CDH18: variants seen among roughly 807,000 people sequenced by gnomAD.
CDH18 encodes cadherin 18.
Under a neutral mutation model 67.9 loss-of-function variants are expected in CDH18, and 31 were observed. The observed-to-expected ratio is 0.46, with a 90% confidence interval of 0.34 to 0.62. The LOEUF (loss-of-function observed/expected upper bound fraction) is 0.62. CDH18 is among the 20% of genes least tolerant of loss of function. The pLI, the probability that CDH18 is intolerant of heterozygous loss-of-function variation, is 0.01. For missense variants in CDH18, 890 were observed against 975.5 expected (o/e 0.91, Z 1.17); for synonymous variants, 362 against 347.2 (o/e 1.04, Z -0.48).
At chr5:20,142,655 T>C (rs1351653218) in intron 2 of CDH18, among the ~76,000 whole-genome samples, 1 of 151,584 alleles carries the variant, frequency 6.6e-6, no homozygotes, top group Non-Finnish European at 1.5e-5. Flanking sequence ...TAATCTAATA[T>C]CATTAGTGTC....
chr5:19,643,694 T>C (rs1454308622), intron 5 of CDH18, among the ~76,000 whole-genome samples: 1 of 152,036 alleles, frequency 6.6e-6, no homozygotes, highest in Admixed American at 6.6e-5. Flanking sequence ...GGGAGTGATA[T>C]GGGAAGATGT....
In CDH18 at chr5:19,712,724, A is replaced by T. The variant is rs1045186984; in HGVS notation, c.643+8623T>A. ...TATATGTATATATAATAGGAAAATT[A>T]TATATGTGTATTTTCTATATATATG... On this transcript the variant is annotated intron_variant, in intron 5 of 12. Transcript: ENST00000382275. 3.3e-5 allele frequency among the ~76,000 whole-genome samples: 5 copies of T among 150,646 alleles called. No homozygotes were observed. In the East Asian group the frequency reaches 9.7e-4, roughly 29 times the overall value.
intron 1 of CDH18, among the ~76,000 whole-genome samples, chr5:20,566,503 G>A (rs1758516700): frequency 6.8e-6 from 1 of 147,324 alleles, no homozygotes; most frequent in South Asian, 2.1e-4. Context: ...GGGAATACAG[G>A]TTCGCGCCAC....
At chr5:20,055,205 A>AC (rs1433086046) in intron 2 of CDH18, among the ~76,000 whole-genome samples, 1 of 152,280 alleles carries the variant, frequency 6.6e-6, no homozygotes, top group African/African-American at 2.4e-5. Context: ...TCTATTTCTG[A>AC]CCTATTATCA....
chr5:19,571,876 CATATT>C lies in CDH18; in HGVS notation c.1000-49_1000-45del, dbSNP rs756527204. The stretch of plus-strand genomic sequence containing the variant: ...AGATTATGACTTTTATAAAAAAAGT[CATATT>C]ATGACTTTCATTACTTTTCAAATAT... On this transcript the variant is annotated intron_variant, in intron 7 of 12. Coordinates refer to ENST00000382275, the MANE Select transcript of CDH18 (RefSeq NM_004934.5). 1.7e-4 allele frequency: 252 copies of C among 1,475,186 alleles called. No homozygotes were observed. The African/African-American group carries it at 3.3e-3, about 19-fold the overall frequency. The allele number at this position is 1,475,186 out of a possible 1,614,324, so 91.4% of individuals were successfully genotyped here. A position where few individuals can be genotyped will look rare whatever the true frequency, so the allele number is the denominator to read the frequency against.
At chr5:19,508,191 T>C (rs937185941) in intron 10 of CDH18, among the ~76,000 whole-genome samples, 1 of 152,172 alleles carries the variant, frequency 6.6e-6, no homozygotes, top group African/African-American at 2.4e-5. Flanking sequence ...TCTTTCATCA[T>C]GTAATAGAAT....
intron 2 of CDH18, among the ~76,000 whole-genome samples, chr5:20,241,830 C>T (rs1742923799): frequency 7.1e-6 from 1 of 140,438 alleles, no homozygotes. Context: ...CCAGCCTGGG[C>T]GACAGAGGGA....
chr5:20,341,529 A>G (rs976268676), intron 1 of CDH18, among the ~76,000 whole-genome samples: 2 of 96,932 alleles, frequency 2.1e-5, no homozygotes, highest in African/African-American at 8.4e-5. Context: ...TCTTTCTAAT[A>G]TATATATTAG....
At position 19,472,808 on chromosome 5, in the gene CDH18, T is replaced by TCGGTGG; in HGVS notation, c.*417_*418insCCACCG. The TCGGTGG allele has an allele frequency of 1.2e-5, 2 of 163,756 alleles. No homozygotes were observed. Among genetic ancestry groups the TCGGTGG allele is most frequent in the Non-Finnish European group, 2.7e-5 (2 of 74,328 alleles). The allele number at this position is 163,756 out of a possible 1,614,324, so 10.1% of individuals were successfully genotyped here. ...AGTGATAAAAGAGGTTGTGATTACC[T>TCGGTGG]TCACAAGTTTCCTGTATTAGTGTTA... On this transcript the variant is annotated 3_prime_UTR_variant, in exon 13 of 13. Coordinates refer to ENST00000382275, the MANE Select transcript of CDH18 (RefSeq NM_004934.5).
At chr5:19,758,628 G>T (rs1452504796) in intron 3 of CDH18, among the ~76,000 whole-genome samples, 2 of 152,176 alleles carry the variant, frequency 1.3e-5, no homozygotes, top group African/African-American at 2.4e-5. Flanking sequence ...GGAATGTGTT[G>T]CCTCCAAAAC....
At chr5:20,047,739 A>G (rs918200402) in intron 2 of CDH18, among the ~76,000 whole-genome samples, 3 of 151,768 alleles carry the variant, frequency 2.0e-5, no homozygotes, top group Non-Finnish European at 4.4e-5. Flanking sequence ...TTTACTGTCA[A>G]CCTTACAGAT....
chr5:19,877,011 C>G (rs1787082228), intron 2 of CDH18, among the ~76,000 whole-genome samples: 1 of 152,046 alleles, frequency 6.6e-6, no homozygotes, highest in Non-Finnish European at 1.5e-5. Flanking sequence ...AAATTGAGGC[C>G]TTCGAAGAAG....
At chr5:19,621,960 T>C (rs747843527) in intron 5 of CDH18, among the ~76,000 whole-genome samples, 1 of 152,296 alleles carries the variant, frequency 6.6e-6, no homozygotes, top group Middle Eastern at 3.4e-3. Flanking sequence ...GCATATAGAA[T>C]TCTGTTGCCA....
intron 1 of CDH18, among the ~76,000 whole-genome samples, chr5:20,404,229 T>C (rs1746029087): frequency 6.6e-6 from 1 of 152,198 alleles, no homozygotes; most frequent in South Asian, 2.1e-4. Flanking sequence ...AGTAAAACTT[T>C]CTTCATATCA....
chr5:20,539,684 T>TA (rs1156554726), intron 1 of CDH18, among the ~76,000 whole-genome samples: 1 of 151,754 alleles, frequency 6.6e-6, no homozygotes, highest in African/African-American at 2.4e-5. Context: ...AAGATAGTTT[T>TA]AAAAAACTGG....
Position 19,563,461 on chromosome 5 carries a change from G to A in CDH18, c.1253+8118C>T, listed in dbSNP as rs189525456. Among the ~76,000 whole-genome samples the A allele has an allele frequency of 4.7e-4, 71 of 152,288 alleles. 1 individual carries two copies. The highest frequency in any genetic ancestry group is 1.6e-3 in the Admixed American group (25 of 15,288). On this transcript the variant is annotated intron_variant, in intron 8 of 12. Transcript: ENST00000382275. ...CAATTTAACAGTCATGTGTCATAAA[G>A]CTACATTCCCAAAAGCTCTCTAGCT...
At chr5:19,510,443 C>T (rs1219156714) in intron 10 of CDH18, among the ~76,000 whole-genome samples, 1 of 152,090 alleles carries the variant, frequency 6.6e-6, no homozygotes, top group Non-Finnish European at 1.5e-5. Context: ...AAAACAAATA[C>T]ACAAGCAACA....
At chr5:20,299,011 G>C (rs1314966937) in intron 1 of CDH18, among the ~76,000 whole-genome samples, 2 of 152,090 alleles carry the variant, frequency 1.3e-5, no homozygotes, top group African/African-American at 2.4e-5. Context: ...AAAAACATAG[G>C]CATGACGGTT....
At chr5:20,070,807 A>G (rs1211059527) in intron 2 of CDH18, among the ~76,000 whole-genome samples, 1 of 152,234 alleles carries the variant, frequency 6.6e-6, no homozygotes, top group Non-Finnish European at 1.5e-5. Context: ...TTAATATTGT[A>G]GAAGAGATAT....
Sources: allele counts gnomAD v4.1 joint callset (sites outside exome capture counted in the v4.1 genomes callset), GRCh38; gene constraint gnomAD v4.1.1; transcripts MANE v1.5; gene names NCBI Gene and HGNC (gene_info 2026-07-23, HGNC 2026-07-21).